Variants in FBXL13 observed in about 807,000 individuals in gnomAD.
FBXL13 encodes F-box and leucine rich repeat protein 13, also known as F-box and leucine-rich repeat protein 13.
Under a neutral mutation model 83.6 loss-of-function variants are expected in FBXL13, and 67 were observed. The ratio of observed to expected loss-of-function variants is 0.80; its 90% CI spans 0.66 to 0.98. The LOEUF (loss-of-function observed/expected upper bound fraction) is 0.98. Ranked by LOEUF, FBXL13 falls within the 50% of genes least tolerant of loss-of-function variation. FBXL13 has a pLI of 0.00. For synonymous variants in FBXL13, 272 were observed against 299.5 expected (o/e 0.91, Z 0.95); for missense variants, 822 against 866.5 (o/e 0.95, Z 0.64).
At chr7:102,893,389 A>G (rs993849886) in intron 11 of FBXL13, among the ~76,000 whole-genome samples, 2 of 147,876 alleles carry the variant, frequency 1.4e-5, no homozygotes, top group Non-Finnish European at 1.5e-5. Flanking sequence ...AGGTGAAGGA[A>G]TCGAGGCAGA....
chr7:102,865,160 G>A (rs1671652007), intron 16 of FBXL13, among the ~76,000 whole-genome samples: 4 of 152,062 alleles, frequency 2.6e-5, no homozygotes, highest in Admixed American at 2.6e-4. Context: ...CTATTTATAC[G>A]GACTCAATTT....
At chr7:103,028,149 A>G (rs1794138242) in intron 4 of FBXL13, among the ~76,000 whole-genome samples, 1 of 152,136 alleles carries the variant, frequency 6.6e-6, no homozygotes, top group African/African-American at 2.4e-5. Flanking sequence ...ACATGAATGT[A>G]CCTCCCACCC....
Position 102,826,346 on chromosome 7 carries a change from T to A in FBXL13, c.1855-4143A>T, listed in dbSNP as rs1584460007. Among the ~76,000 whole-genome samples, 4 of 152,304 alleles carry A rather than the reference T, an allele frequency of 2.6e-5. No homozygotes were observed. In the South Asian group the frequency reaches 8.3e-4, roughly 32 times the overall value. Reference sequence around the variant, plus strand: ...AAATCTAATGCAGTAAGAAATAATGTGCTTTAAAGGTCAGGCCAAAAAGAG... The same window carrying A: ...AAATCTAATGCAGTAAGAAATAATGAGCTTTAAAGGTCAGGCCAAAAAGAG... On this transcript the variant is annotated intron_variant, in intron 18 of 19. Transcript: ENST00000313221.
At chr7:103,030,137 A>G (rs956907896) in intron 2 of FBXL13, 3 of 152,332 alleles carry the variant, frequency 2.0e-5, no homozygotes, top group African/African-American at 7.2e-5. Flanking sequence ...TATTTGGTGT[A>G]TAGGTAAGTT....
chr7:103,056,094 G>A (rs1018734523), intron 1 of FBXL13, among the ~76,000 whole-genome samples: 4 of 152,128 alleles, frequency 2.6e-5, no homozygotes, highest in South Asian at 2.1e-4. Context: ...GAGTGAGAAC[G>A]TATAATGTTT....
chr7:102,938,766 C>A (rs1342607127), intron 8 of FBXL13, among the ~76,000 whole-genome samples: 1 of 152,126 alleles, frequency 6.6e-6, no homozygotes, highest in East Asian at 1.9e-4. Context: ...GGTAAAAGAA[C>A]TAAAGAATTT....
At chr7:103,003,985 T>C (rs983557519) in intron 6 of FBXL13, among the ~76,000 whole-genome samples, 2 of 152,254 alleles carry the variant, frequency 1.3e-5, no homozygotes, top group African/African-American at 2.4e-5. Context: ...CACTGAGTTT[T>C]CTTAGAACTG....
Position 103,008,287 on chromosome 7 carries a change from C to T in FBXL13, c.495+16776G>A, listed in dbSNP as rs144196300. Among the ~76,000 whole-genome samples, 441 of 152,218 alleles carry T rather than the reference C, an allele frequency of 2.9e-3. 2 individuals are homozygous for T. The highest frequency in any genetic ancestry group is 5.5e-3 in the Admixed American group (84 of 15,298). ...CAAACTGGAGGAGGCCAAGGAGACA[C>T]GACAACCAATTGCAACATATGAACT... On this transcript the variant is annotated intron_variant, in intron 6 of 19. Coordinates refer to ENST00000313221, the Ensembl canonical transcript of FBXL13.
chr7:102,954,726 A>G (rs948626295), intron 8 of FBXL13, among the ~76,000 whole-genome samples: 3 of 152,202 alleles, frequency 2.0e-5, no homozygotes, highest in African/African-American at 7.2e-5. Context: ...AAGCAAAAAA[A>G]GGAGGGGTTG....
chr7:102,867,387 A>G (rs965456778), intron 16 of FBXL13, among the ~76,000 whole-genome samples: 4 of 152,042 alleles, frequency 2.6e-5, no homozygotes, highest in Non-Finnish European at 4.4e-5. Context: ...AAACAAAAAA[A>G]AAGAAGAATT....
rs1216501132 is a variant in FBXL13, at chr7:103,067,841, T to C, written c.-105+6405A>G. ...AAATGTTGTAAAGACATTTAGGTAATAGACATCCACAATAATGATGAACCA... is the reference window on the plus strand; with the variant it reads ...AAATGTTGTAAAGACATTTAGGTAACAGACATCCACAATAATGATGAACCA... On this transcript the variant is annotated intron_variant, in intron 1 of 19. Coordinates refer to ENST00000313221, the Ensembl canonical transcript of FBXL13. 3.3e-5 allele frequency among the ~76,000 whole-genome samples: 5 copies of C among 152,202 alleles called. No individual in the cohort carries two copies. The East Asian group carries it at 5.8e-4, about 18-fold the overall frequency.
At chr7:102,828,775 C>T (rs1428638400) in intron 18 of FBXL13, among the ~76,000 whole-genome samples, 2 of 152,124 alleles carry the variant, frequency 1.3e-5, no homozygotes, top group Non-Finnish European at 2.9e-5. Context: ...TCTGTGCATG[C>T]CCTGGGGATT....
At chr7:102,914,228 A>G (rs555900395) in intron 10 of FBXL13, among the ~76,000 whole-genome samples, 73 of 152,272 alleles carry the variant, frequency 4.8e-4, no homozygotes, top group African/African-American at 1.7e-3. Context: ...GCGTGCCAAC[A>G]TGTCCAGCTA....
intron 11 of FBXL13, among the ~76,000 whole-genome samples, chr7:102,908,083 T>C (rs2129467884): frequency 6.6e-6 from 1 of 152,312 alleles, no homozygotes; most frequent in East Asian, 1.9e-4. Flanking sequence ...CAAATGATTA[T>C]AAATCATGCT....
intron 8 of FBXL13, among the ~76,000 whole-genome samples, chr7:102,946,057 T>A (rs1332047186): frequency 2.0e-5 from 3 of 152,176 alleles, no homozygotes; most frequent in African/African-American, 7.2e-5. Flanking sequence ...AATTTTTGTA[T>A]TTTTAGTAGA....
At chr7:102,884,242 A>C in exon 12 of FBXL13, 1 of 1,613,778 alleles carries the variant, frequency 6.2e-7, no homozygotes, top group Non-Finnish European at 8.5e-7. Context: ...CAGAGTTGGC[A>C]TGTCATTAAT....
intron 6 of FBXL13, among the ~76,000 whole-genome samples, chr7:103,003,343 A>C (rs1286864985): frequency 1.6e-5 from 2 of 124,910 alleles, no homozygotes; most frequent in African/African-American, 6.4e-5. Context: ...GCTGGAGTGC[A>C]GTGGTGTGAT....
At chr7:102,821,161 T>C (rs1460027338) in intron 19 of FBXL13, among the ~76,000 whole-genome samples, 2 of 152,208 alleles carry the variant, frequency 1.3e-5, no homozygotes, top group Non-Finnish European at 2.9e-5. Flanking sequence ...CCCTATTTCA[T>C]TGTATATCCT....
chr7:103,045,215 T>C (rs1484895237), intron 2 of FBXL13, among the ~76,000 whole-genome samples: 1 of 152,220 alleles, frequency 6.6e-6, no homozygotes, highest in African/African-American at 2.4e-5. Context: ...CACTCAGCAG[T>C]GTATGAATGG....
Sources: allele counts gnomAD v4.1 joint callset (sites outside exome capture counted in the v4.1 genomes callset), GRCh38; gene constraint gnomAD v4.1.1; transcripts MANE v1.5; gene names NCBI Gene and HGNC (gene_info 2026-07-23, HGNC 2026-07-21).